BAZ2B: variants seen among roughly 807,000 people sequenced by gnomAD.
BAZ2B encodes the protein bromodomain adjacent to zinc finger domain protein 2B.
In BAZ2B, 91 loss-of-function variants were observed where a neutral mutation model predicts 246.0. That is an observed-to-expected ratio of 0.37 (90% CI 0.31 to 0.44). The LOEUF (loss-of-function observed/expected upper bound fraction) is 0.44. Among genes scored for constraint, BAZ2B ranks in the 20% least tolerant of loss-of-function variants. The pLI, the probability that BAZ2B is intolerant of heterozygous loss-of-function variation, is 1.00. For synonymous variants in BAZ2B, 855 were observed against 860.0 expected (o/e 0.99, Z 0.10); for missense variants, 2,332 against 2,533.7 (o/e 0.92, Z 1.71).
At chr2:159,491,669 C>T (rs1297732889) in intron 2 of BAZ2B, among the ~76,000 whole-genome samples, 1 of 128,926 alleles carries the variant, frequency 7.8e-6, no homozygotes, top group Non-Finnish European at 1.6e-5. Flanking sequence ...TGCAGTGAGC[C>T]GAGATCCCGC....
intron 27 of BAZ2B, among the ~76,000 whole-genome samples, chr2:159,361,077 C>T (rs1003739040): frequency 4.6e-5 from 7 of 151,966 alleles, no homozygotes; most frequent in African/African-American, 1.7e-4. Context: ...AAAGCAATGG[C>T]AACAAAAGCC....
chr2:159,317,884 A>G (rs1242546042), downstream of BAZ2B, among the ~76,000 whole-genome samples: 1 of 152,160 alleles, frequency 6.6e-6, no homozygotes. Flanking sequence ...AACCACTGTC[A>G]TGTGCTCCAA....
chr2:159,518,460 C>T (rs2151236456), intron 2 of BAZ2B, among the ~76,000 whole-genome samples: 1 of 152,292 alleles, frequency 6.6e-6, no homozygotes, highest in Non-Finnish European at 1.5e-5. Context: ...GTGAATTCCC[C>T]TGTACTCTGG....
chr2:159,316,418 C>T (rs1011522284), downstream of BAZ2B, among the ~76,000 whole-genome samples: 13 of 152,002 alleles, frequency 8.6e-5, no homozygotes, highest in African/African-American at 2.7e-4. Context: ...CTTGGCCGGG[C>T]GCGGTGGCTC....
At chr2:159,660,925 CATT>C in the BAZ2B span, among the ~76,000 whole-genome samples, 1 of 152,082 alleles carries the variant, frequency 6.6e-6, no homozygotes, top group East Asian at 1.9e-4. Flanking sequence ...TTAAAAATAG[CATT>C]ATTAAAGTAT....
chr2:159,549,676 A>G (rs1431940146), intron 2 of BAZ2B, among the ~76,000 whole-genome samples: 1 of 152,094 alleles, frequency 6.6e-6, no homozygotes, highest in African/African-American at 2.4e-5. Flanking sequence ...ATGCACTGAT[A>G]GCTGTCCTGG....
intron 6 of BAZ2B, chr2:159,444,549 T>C (rs1480832788): frequency 1.3e-5 from 2 of 152,242 alleles, no homozygotes; most frequent in Non-Finnish European, 2.9e-5. Context: ...CAGTTCTGTT[T>C]CATTTGTTCC....
chr2:159,504,709 T>C (rs1218914902), intron 2 of BAZ2B, among the ~76,000 whole-genome samples: 7 of 152,222 alleles, frequency 4.6e-5, no homozygotes, highest in African/African-American at 7.2e-5. Flanking sequence ...CAGTCCCATA[T>C]TGAACATCCT....
At chr2:159,364,308 C>A (rs2060001822) in intron 27 of BAZ2B, among the ~76,000 whole-genome samples, 1 of 152,168 alleles carries the variant, frequency 6.6e-6, no homozygotes, top group Non-Finnish European at 1.5e-5. Context: ...ATTAGAATTA[C>A]AATCACTGCA....
intron 1 of BAZ2B, among the ~76,000 whole-genome samples, chr2:159,574,587 G>C (rs1355968104): frequency 6.6e-6 from 1 of 152,084 alleles, no homozygotes; most frequent in East Asian, 1.9e-4. Context: ...TTTTGTACAT[G>C]AATGTTCACA....
chr2:159,343,373 T>C (rs1324437523), intron 31 of BAZ2B, among the ~76,000 whole-genome samples: 2 of 152,040 alleles, frequency 1.3e-5, no homozygotes, highest in Non-Finnish European at 2.9e-5. Context: ...AAAGCACAGG[T>C]AACAGAAGCA....
intron 26 of BAZ2B, 142 bp from the exon 27 acceptor site, chr2:159,373,331 G>A (rs1229975298): frequency 1.7e-6 from 1 of 586,386 alleles, no homozygotes; most frequent in African/African-American, 1.9e-5. Flanking sequence ...AAATATTCAT[G>A]CCTGACTTCA....
At chr2:159,684,559 T>C in the BAZ2B span, among the ~76,000 whole-genome samples, 1 of 152,208 alleles carries the variant, frequency 6.6e-6, no homozygotes, top group Non-Finnish European at 1.5e-5. Context: ...TGGAGTGCAG[T>C]GGTGCAATCA....
chr2:159,393,424 T>G (rs1223954686), intron 20 of BAZ2B, among the ~76,000 whole-genome samples: 1 of 152,180 alleles, frequency 6.6e-6, no homozygotes, highest in Non-Finnish European at 1.5e-5. Context: ...GGCTTTATTT[T>G]GGTTTAATAT....
intron 8 of BAZ2B, among the ~76,000 whole-genome samples, chr2:159,435,781 C>T (rs551868224): frequency 6.6e-6 from 1 of 152,358 alleles, no homozygotes; most frequent in East Asian, 1.9e-4. Flanking sequence ...AGAGCCACCG[C>T]ACTCAGCCTG....
intron 27 of BAZ2B, among the ~76,000 whole-genome samples, chr2:159,359,636 C>T (rs572430003): frequency 1.3e-5 from 2 of 152,240 alleles, no homozygotes; most frequent in South Asian, 2.1e-4. Flanking sequence ...GATACCAAAA[C>T]CTGGCAGAAA....
intron 6 of BAZ2B, among the ~76,000 whole-genome samples, chr2:159,441,434 G>T (rs1355716429): frequency 1.3e-5 from 2 of 152,062 alleles, no homozygotes. Flanking sequence ...TTGGCCATGT[G>T]TAAATAGTTC....
chr2:159,415,231 G>C (rs533510214), intron 13 of BAZ2B, among the ~76,000 whole-genome samples: 4 of 151,964 alleles, frequency 2.6e-5, no homozygotes, highest in Non-Finnish European at 5.9e-5. Flanking sequence ...CAGATCAAAA[G>C]GTCAGGAGTT....
At chr2:159,567,110 G>C (rs1440809773) in intron 1 of BAZ2B, among the ~76,000 whole-genome samples, 2 of 152,100 alleles carry the variant, frequency 1.3e-5, no homozygotes, top group African/African-American at 4.8e-5. Context: ...AGGCATGGTG[G>C]TGTGCACCCG....
Sources: allele counts gnomAD v4.1 joint callset (sites outside exome capture counted in the v4.1 genomes callset), GRCh38; gene constraint gnomAD v4.1.1; transcripts MANE v1.5; gene names NCBI Gene and HGNC (gene_info 2026-07-23, HGNC 2026-07-21).